Variants in PLXDC2 observed in about 807,000 individuals in gnomAD.
PLXDC2 encodes the protein plexin domain containing 2, also known as plexin domain-containing protein 2.
Under a neutral mutation model 68.9 loss-of-function variants are expected in PLXDC2, and 40 were observed. The ratio of observed to expected loss-of-function variants is 0.58; its 90% confidence interval spans 0.45 to 0.76. PLXDC2 has a LOEUF of 0.76. PLXDC2 is among the 30% of genes least tolerant of loss of function. PLXDC2 has a pLI of 0.00. For synonymous variants in PLXDC2, 243 were observed against 234.2 expected, an observed-to-expected ratio of 1.04 and a Z score of -0.34; for missense variants, 644 against 661.9, an observed-to-expected ratio of 0.97 and a Z score of 0.30.
chr10:20,280,338 G>T lies in PLXDC2; in HGVS notation c.*519G>T, dbSNP rs1836065989. On this transcript the variant is annotated 3_prime_UTR_variant, in exon 14 of 14. Transcript: ENST00000377252. ...GAGTGAGAACAAACACAAAATAAGA[G>T]ATTTTCTACATTTTCAAAACAGATG... The T allele has an allele frequency of 6.5e-6, 1 of 152,730 alleles. No individual in the cohort carries two copies. Among genetic ancestry groups the T allele is most frequent in the Admixed American group, 6.5e-5 (1 of 15,294 alleles). The allele number at this position is 152,730 out of a possible 1,614,324, so 9.5% of individuals were successfully genotyped here. A position where few individuals can be genotyped will look rare whatever the true frequency, so the allele number is the denominator to read the frequency against.
At chr10:20,085,018 A>G (rs964400318) in intron 4 of PLXDC2, among the ~76,000 whole-genome samples, 2 of 151,662 alleles carry the variant, frequency 1.3e-5, no homozygotes, top group Admixed American at 6.6e-5. Flanking sequence ...CCTTTTTCAT[A>G]TGTAAATGGC....
intron 3 of PLXDC2, among the ~76,000 whole-genome samples, chr10:20,067,512 C>A (rs1054960554): frequency 2.0e-5 from 3 of 151,882 alleles, no homozygotes; most frequent in African/African-American, 7.3e-5. Context: ...ATGGCGAAAC[C>A]CCATCTCTAC....
chr10:20,015,941 T>C (rs192034937), intron 2 of PLXDC2, among the ~76,000 whole-genome samples: 1 of 152,318 alleles, frequency 6.6e-6, no homozygotes, highest in East Asian at 1.9e-4. Flanking sequence ...CATATACTAG[T>C]AACGACTTCT....
At chr10:20,000,886 G>A (rs2131636919) in intron 1 of PLXDC2, among the ~76,000 whole-genome samples, 1 of 152,270 alleles carries the variant, frequency 6.6e-6, no homozygotes. Context: ...GGTAGAAGAA[G>A]GCTGTTCTTG....
intron 1 of PLXDC2, among the ~76,000 whole-genome samples, chr10:19,842,568 G>A (rs140452268): frequency 5.7e-4 from 87 of 152,128 alleles, no homozygotes; most frequent in Non-Finnish European, 9.3e-4. Flanking sequence ...TTTCCCACTG[G>A]TTTGAGTCAC....
intron 4 of PLXDC2, among the ~76,000 whole-genome samples, chr10:20,069,109 A>G (rs768147756): frequency 2.0e-5 from 3 of 152,188 alleles, no homozygotes; most frequent in Non-Finnish European, 4.4e-5. Flanking sequence ...CCTTCACTGA[A>G]TCTTACCAGG....
At chr10:20,270,171 G>T (rs2119378927) in intron 13 of PLXDC2, among the ~76,000 whole-genome samples, 1 of 152,288 alleles carries the variant, frequency 6.6e-6, no homozygotes, top group Non-Finnish European at 1.5e-5. Context: ...ACGTGAAGTG[G>T]TTGCTGAGAG....
Position 19,892,186 on chromosome 10 carries a change from C to A in PLXDC2, c.112+74995C>A, listed in dbSNP as rs74780069. On this transcript the variant is annotated intron_variant, in intron 1 of 13. Coordinates refer to ENST00000377252, the MANE Select transcript of PLXDC2 (RefSeq NM_032812.9). ...ATACTTAATAAATACTTAAATATTTCTTTGACTAAGTGCCAGCCACTGTCT... is the reference window on the plus strand; with the variant it reads ...ATACTTAATAAATACTTAAATATTTATTTGACTAAGTGCCAGCCACTGTCT... 3.5e-4 allele frequency among the ~76,000 whole-genome samples: 53 copies of A among 152,210 alleles called. 2 individuals are homozygous for A. In the East Asian group the frequency reaches 9.1e-3, roughly 26 times the overall value.
intron 4 of PLXDC2, among the ~76,000 whole-genome samples, chr10:20,099,950 G>A (rs1463358911): frequency 1.3e-5 from 2 of 152,162 alleles, no homozygotes; most frequent in East Asian, 1.9e-4. Context: ...ATGTATTAGT[G>A]ACACAAAAGA....
intron 13 of PLXDC2, among the ~76,000 whole-genome samples, chr10:20,263,158 G>A (rs1835830098): frequency 1.3e-5 from 2 of 152,228 alleles, no homozygotes; most frequent in Non-Finnish European, 2.9e-5. Flanking sequence ...ACAAAAATAG[G>A]CACGCAGACC....
At chr10:19,848,553 C>T (rs570616517) in intron 1 of PLXDC2, among the ~76,000 whole-genome samples, 66 of 152,266 alleles carry the variant, frequency 4.3e-4, no homozygotes, top group African/African-American at 1.5e-3. Flanking sequence ...GAGGGAACCA[C>T]CTGAAGCATT....
chr10:20,064,906 T>G (rs971506888), intron 3 of PLXDC2, among the ~76,000 whole-genome samples: 6 of 172 alleles, frequency 0.035, no homozygotes, highest in South Asian at 0.17. Flanking sequence ...GTTTTGTTTG[T>G]TTGGTTTTTT....
At chr10:20,242,043 G>A (rs1835523058) in intron 12 of PLXDC2, among the ~76,000 whole-genome samples, 1 of 151,792 alleles carries the variant, frequency 6.6e-6, no homozygotes, top group Non-Finnish European at 1.5e-5. Flanking sequence ...AGGGAGGGAA[G>A]GATTTGAAGA....
chr10:20,124,118 G>A (rs182173138), intron 4 of PLXDC2, among the ~76,000 whole-genome samples: 2,134 of 152,162 alleles, frequency 0.014, 40 homozygotes, highest in African/African-American at 0.045. Context: ...AAAGGCAGGT[G>A]TCCCTGCATG....
At chr10:19,963,007 AAAAG>A (rs1161619865) in intron 1 of PLXDC2, among the ~76,000 whole-genome samples, 31 of 151,646 alleles carry the variant, frequency 2.0e-4, no homozygotes, top group Non-Finnish European at 2.9e-5. Context: ...AAAAAAAAAA[AAAAG>A]TTTATTTTTT....
chr10:20,186,190 A>G (rs1834680262), intron 9 of PLXDC2, among the ~76,000 whole-genome samples: 2 of 151,982 alleles, frequency 1.3e-5, no homozygotes, highest in Admixed American at 1.3e-4. Flanking sequence ...AAATTATTTA[A>G]TTGAAAAATA....
intron 1 of PLXDC2, among the ~76,000 whole-genome samples, chr10:19,892,970 A>G (rs904365854): frequency 2.0e-5 from 3 of 151,346 alleles, no homozygotes; most frequent in Non-Finnish European, 4.4e-5. Context: ...TGTCATCACA[A>G]TCAGATTCAC....
intron 5 of PLXDC2, among the ~76,000 whole-genome samples, chr10:20,146,336 TTTCTC>T (rs2131795726): frequency 6.6e-6 from 1 of 152,192 alleles, no homozygotes; most frequent in East Asian, 1.9e-4. Flanking sequence ...CTTCTTTTCT[TTTCTC>T]TTCCTTCTTT....
At chr10:20,055,581 G>A (rs563609419) in intron 3 of PLXDC2, among the ~76,000 whole-genome samples, 1 of 151,978 alleles carries the variant, frequency 6.6e-6, no homozygotes, top group Non-Finnish European at 1.5e-5. Flanking sequence ...TTACTCTTAC[G>A]TTTGACTGGT....
Sources: allele counts gnomAD v4.1 joint callset (sites outside exome capture counted in the v4.1 genomes callset), GRCh38; gene constraint gnomAD v4.1.1; transcripts MANE v1.5; gene names NCBI Gene and HGNC (gene_info 2026-07-23, HGNC 2026-07-21).